Variants in PTPRG observed in about 807,000 individuals in gnomAD.
PTPRG encodes the protein receptor-type tyrosine-protein phosphatase gamma.
In PTPRG, 102 loss-of-function variants were observed where a neutral mutation model predicts 165.3. That is an observed-to-expected ratio of 0.62 (90% CI 0.53 to 0.73). The LOEUF is 0.73. Ranked by LOEUF, PTPRG falls within the 30% of genes least tolerant of loss-of-function variation. The pLI is 0.00. For missense variants in PTPRG, 1,866 were observed against 1,861.4 expected (o/e 1.00, Z -0.05); for synonymous variants, 675 against 669.5 (o/e 1.01, Z -0.13).
At chr3:61,786,174 A>G (rs2034694567) in intron 2 of PTPRG, among the ~76,000 whole-genome samples, 1 of 152,210 alleles carries the variant, frequency 6.6e-6, no homozygotes. Context: ...AGGGTAGAGT[A>G]GGTAGTGTCA....
At chr3:62,191,133 G>C (rs981115120) in intron 8 of PTPRG, among the ~76,000 whole-genome samples, 2 of 151,258 alleles carry the variant, frequency 1.3e-5, no homozygotes, top group African/African-American at 4.9e-5. Flanking sequence ...GTGCGTGTGT[G>C]CGTCTGTGTC....
At chr3:62,191,230 CTG>C (rs1429163541) in intron 8 of PTPRG, among the ~76,000 whole-genome samples, 5 of 150,876 alleles carry the variant, frequency 3.3e-5, no homozygotes, top group African/African-American at 9.8e-5. Context: ...GTGTGTGCAT[CTG>C]TGTCCCTTGC....
At chr3:62,022,922 T>C (rs1231822424) in intron 4 of PTPRG, among the ~76,000 whole-genome samples, 1 of 152,202 alleles carries the variant, frequency 6.6e-6, no homozygotes, top group Non-Finnish European at 1.5e-5. Context: ...TGAAGCCTTT[T>C]ATTTTTCTTG....
chr3:61,779,166 G>C (rs994256032), intron 2 of PTPRG, among the ~76,000 whole-genome samples: 1 of 152,158 alleles, frequency 6.6e-6, no homozygotes, highest in Non-Finnish European at 1.5e-5. Flanking sequence ...GCTCTTTTGA[G>C]ATACCTCATT....
Position 61,611,034 on chromosome 3 carries a change from G to A in PTPRG, c.85+48662G>A, listed in dbSNP as rs79405658. Among the ~76,000 whole-genome samples the A allele has an allele frequency of 9.0e-3, 1,367 of 152,164 alleles. 24 individuals are homozygous for A. Among genetic ancestry groups the A allele is most frequent in the African/African-American group, 0.031 (1,297 of 41,500 alleles). ...CATGTTGGCCAGGCTGGTCCTGAAC[G>A]CAAGTGATCCTCCTGTCTTGGCCTC... On this transcript the variant is annotated intron_variant, in intron 1 of 29. Coordinates refer to ENST00000474889, the MANE Select transcript of PTPRG (RefSeq NM_002841.4).
chr3:62,169,068 C>T (rs1369155769), intron 8 of PTPRG, among the ~76,000 whole-genome samples: 1 of 152,168 alleles, frequency 6.6e-6, no homozygotes, highest in African/African-American at 2.4e-5. Flanking sequence ...TCTATTCTAT[C>T]CCTCTCGTCT....
chr3:62,067,038 C>CAAA (rs58056271), intron 4 of PTPRG, among the ~76,000 whole-genome samples: 3 of 111,998 alleles, frequency 2.7e-5, no homozygotes, highest in African/African-American at 7.1e-5. Context: ...GATTCTGACT[C>CAAA]AAAAAAAAAA....
intron 2 of PTPRG, among the ~76,000 whole-genome samples, chr3:61,851,803 T>G (rs774020263): frequency 4.6e-5 from 7 of 152,178 alleles, no homozygotes; most frequent in Non-Finnish European, 8.8e-5. Context: ...ATCAGTTTCT[T>G]CTCTTTGCCT....
intron 8 of PTPRG, among the ~76,000 whole-genome samples, chr3:62,183,611 G>A (rs1705749314): frequency 6.6e-6 from 1 of 151,916 alleles, no homozygotes; most frequent in Non-Finnish European, 1.5e-5. Context: ...AGGCCTTGGT[G>A]GGTGGGCACT....
chr3:62,211,245 T>C (rs1231759428), intron 12 of PTPRG, among the ~76,000 whole-genome samples: 5 of 152,172 alleles, frequency 3.3e-5, no homozygotes, highest in African/African-American at 7.2e-5. Flanking sequence ...CTAAGTGCAA[T>C]GAGCCAGTCA....
At chr3:62,258,120 G>A (rs1031189282) in intron 16 of PTPRG, among the ~76,000 whole-genome samples, 2 of 152,084 alleles carry the variant, frequency 1.3e-5, no homozygotes, top group African/African-American at 2.4e-5. Flanking sequence ...CCCCCCACTA[G>A]GAGTATTAGC....
chr3:61,579,308 A>G (rs1288221360), intron 1 of PTPRG, among the ~76,000 whole-genome samples: 1 of 152,080 alleles, frequency 6.6e-6, no homozygotes, highest in Non-Finnish European at 1.5e-5. Context: ...GGGGTCTGGG[A>G]GTTTTACTCT....
intron 1 of PTPRG, among the ~76,000 whole-genome samples, chr3:61,712,825 A>G (rs575029225): frequency 1.1e-4 from 17 of 152,338 alleles, no homozygotes; most frequent in African/African-American, 3.6e-4. Context: ...GCAAAACTAC[A>G]AAAACATGCA....
At chr3:62,090,587 A>G (rs1244467444) in intron 5 of PTPRG, among the ~76,000 whole-genome samples, 1 of 152,202 alleles carries the variant, frequency 6.6e-6, no homozygotes, top group Non-Finnish European at 1.5e-5. Context: ...AAAACAGATC[A>G]GACAGGTAAA....
At chr3:61,681,054 T>A (rs1352634062) in intron 1 of PTPRG, among the ~76,000 whole-genome samples, 10 of 66,100 alleles carry the variant, frequency 1.5e-4, no homozygotes, top group Admixed American at 3.9e-4. Context: ...CTTTATGTTC[T>A]AAAAAAAAAA....
intron 8 of PTPRG, among the ~76,000 whole-genome samples, chr3:62,188,698 G>A (rs1699725831): frequency 6.6e-6 from 1 of 152,142 alleles, no homozygotes; most frequent in African/African-American, 2.4e-5. Flanking sequence ...ATTATTTATG[G>A]GGGTATGATG....
At chr3:61,911,120 T>C (rs550648258) in intron 2 of PTPRG, among the ~76,000 whole-genome samples, 1 of 152,196 alleles carries the variant, frequency 6.6e-6, no homozygotes, top group African/African-American at 2.4e-5. Flanking sequence ...TTCATACTCC[T>C]CTCTCCTATG....
At chr3:62,248,952 C>A (rs1701350329) in intron 15 of PTPRG, among the ~76,000 whole-genome samples, 1 of 152,060 alleles carries the variant, frequency 6.6e-6, no homozygotes, top group African/African-American at 2.4e-5. Flanking sequence ...CAGTTTAAAA[C>A]CCTTGGGATT....
chr3:62,186,086 G>A (rs1035358358), intron 8 of PTPRG, among the ~76,000 whole-genome samples: 29 of 152,180 alleles, frequency 1.9e-4, no homozygotes, highest in Admixed American at 1.8e-3. Flanking sequence ...CTGCCTGCTC[G>A]CTTGCCTGAG....
Sources: allele counts gnomAD v4.1 joint callset (sites outside exome capture counted in the v4.1 genomes callset), GRCh38; gene constraint gnomAD v4.1.1; transcripts MANE v1.5; gene names NCBI Gene and HGNC (gene_info 2026-07-23, HGNC 2026-07-21).